The following SPATA6 variants were observed in gnomAD, a reference collection of about 807,000 sequenced individuals.
SPATA6 encodes spermatogenesis associated 6, also known as spermatogenesis-associated protein 6.
A neutral mutation model predicts 65.3 loss-of-function variants in SPATA6; 56 were observed. The ratio of observed to expected loss-of-function variants is 0.86; its 90% confidence interval spans 0.69 to 1.07. SPATA6 has a LOEUF of 1.07. SPATA6 is among the 50% of genes least tolerant of loss of function. The pLI, the probability that SPATA6 is intolerant of heterozygous loss-of-function variation, is 0.00. For synonymous variants in SPATA6, 199 were observed against 213.2 expected (o/e 0.93, Z 0.58); for missense variants, 590 against 594.8 (o/e 0.99, Z 0.08).
intron 11 of SPATA6, among the ~76,000 whole-genome samples, chr1:48,327,707 C>T (rs564498565): frequency 4.6e-5 from 7 of 152,210 alleles, no homozygotes; most frequent in Admixed American, 4.6e-4. Context: ...AATGAACTAA[C>T]TCAGAAACAT....
intron 3 of SPATA6, among the ~76,000 whole-genome samples, chr1:48,418,028 G>A (rs745975329): frequency 4.6e-5 from 7 of 151,980 alleles, no homozygotes; most frequent in Non-Finnish European, 7.4e-5. Context: ...TTACTAAAAT[G>A]GATGTTCTTT....
intron 11 of SPATA6, among the ~76,000 whole-genome samples, chr1:48,340,863 A>G (rs1350350221): frequency 6.6e-6 from 1 of 152,194 alleles, no homozygotes; most frequent in Admixed American, 6.5e-5. Context: ...TGGTGTGACT[A>G]TAAAATTGTC....
chr1:48,326,126 T>C (rs1645753021), intron 11 of SPATA6: 1 of 154,830 alleles, frequency 6.5e-6, no homozygotes, highest in Admixed American at 6.5e-5. Flanking sequence ...GCCACCATCT[T>C]GCATCTTCCC....
intron 12 of SPATA6, among the ~76,000 whole-genome samples, chr1:48,302,526 G>C (rs943376172): frequency 6.6e-6 from 1 of 152,178 alleles, no homozygotes; most frequent in Non-Finnish European, 1.5e-5. Context: ...TAGCTTAGTG[G>C]CCAGCAAATG....
chr1:48,376,153 T>C (rs1418672321), intron 9 of SPATA6, among the ~76,000 whole-genome samples: 1 of 152,182 alleles, frequency 6.6e-6, no homozygotes, highest in Non-Finnish European at 1.5e-5. Context: ...CCTCTATCCT[T>C]CCTCTTGCCT....
At chr1:48,338,722 C>T (rs1375544644) in intron 11 of SPATA6, among the ~76,000 whole-genome samples, 2 of 151,956 alleles carry the variant, frequency 1.3e-5, no homozygotes, top group Non-Finnish European at 2.9e-5. Context: ...AGGTTTTTGT[C>T]AAGATATTTT....
chr1:48,292,915 G>T (rs1644777896), downstream of SPATA6, among the ~76,000 whole-genome samples: 1 of 152,142 alleles, frequency 6.6e-6, no homozygotes, highest in Non-Finnish European at 1.5e-5. Context: ...CGCTGGCTGG[G>T]GCAGCTCCAC....
chr1:48,271,809 T>A, the SPATA6 span, among the ~76,000 whole-genome samples: 1 of 152,088 alleles, frequency 6.6e-6, no homozygotes, highest in Non-Finnish European at 1.5e-5. Context: ...TGTGATGCCA[T>A]GGATATAAAA....
At chr1:48,448,874 G>A (rs1656307796) in intron 3 of SPATA6, among the ~76,000 whole-genome samples, 1 of 152,168 alleles carries the variant, frequency 6.6e-6, no homozygotes, top group South Asian at 2.1e-4. Flanking sequence ...TCTGGGGACT[G>A]GGAGGTGGGC....
intron 5 of SPATA6, among the ~76,000 whole-genome samples, chr1:48,405,691 G>A (rs1651637208): frequency 6.6e-6 from 1 of 152,134 alleles, no homozygotes; most frequent in Non-Finnish European, 1.5e-5. Context: ...CAATGATGTA[G>A]TCTCAGAATC....
chr1:48,263,351 GATGGATCAAA>G, the SPATA6 span, among the ~76,000 whole-genome samples: 1 of 152,058 alleles, frequency 6.6e-6, no homozygotes, highest in South Asian at 2.1e-4. Flanking sequence ...AGATCTTTAA[GATGGATCAAA>G]AGTATATTCA....
chr1:48,398,371 G>GT (rs897629620), intron 7 of SPATA6, among the ~76,000 whole-genome samples: 51 of 151,672 alleles, frequency 3.4e-4, no homozygotes, highest in African/African-American at 1.2e-3. Context: ...TTTTAAAAAG[G>GT]TATCATAAAG....
intron 7 of SPATA6, 119 bp downstream of exon 7, chr1:48,399,232 A>G: frequency 8.5e-7 from 1 of 1,170,916 alleles, no homozygotes; most frequent in Admixed American, 2.8e-5. Flanking sequence ...CTAGGGTAGC[A>G]GTCAGAAGAG....
chr1:48,416,180 T>G (rs61774379), intron 3 of SPATA6, among the ~76,000 whole-genome samples: 158 of 151,960 alleles, frequency 1.0e-3, no homozygotes, highest in Admixed American at 1.8e-3. Context: ...CCAGCCTGGG[T>G]GAAGCAGCGA....
intron 5 of SPATA6, among the ~76,000 whole-genome samples, chr1:48,408,032 A>C (rs941341094): frequency 6.6e-6 from 1 of 152,222 alleles, no homozygotes; most frequent in Non-Finnish European, 1.5e-5. Flanking sequence ...ATAGTACAGA[A>C]GCATGCTAAT....
chr1:48,284,868 C>T, the SPATA6 span, among the ~76,000 whole-genome samples: 1 of 151,528 alleles, frequency 6.6e-6, no homozygotes, highest in Admixed American at 6.6e-5. Flanking sequence ...TGTCTGTCGA[C>T]CCCTGCTGGC....
chr1:48,284,065 C>T, the SPATA6 span, among the ~76,000 whole-genome samples: 2 of 152,006 alleles, frequency 1.3e-5, no homozygotes, highest in African/African-American at 4.8e-5. Flanking sequence ...TTCAGGTACA[C>T]CAATCAAATG....
At chr1:48,436,199 G>T in intron 3 of SPATA6, 1 of 1,612,270 alleles carries the variant, frequency 6.2e-7, no homozygotes, top group Non-Finnish European at 8.5e-7. Flanking sequence ...CATCTTGCAT[G>T]GCATACTCCC....
intron 9 of SPATA6, among the ~76,000 whole-genome samples, chr1:48,372,790 C>T (rs1647436479): frequency 6.6e-6 from 1 of 152,242 alleles, no homozygotes; most frequent in Non-Finnish European, 1.5e-5. Flanking sequence ...CACTCACAGG[C>T]TCAACACCAC....
Sources: gnomAD v4.1 joint callset for allele counts (sites outside exome capture counted in the v4.1 genomes callset) on GRCh38, gnomAD v4.1.1 for gene constraint, MANE v1.5 for transcripts, NCBI Gene and HGNC (gene_info 2026-07-23, HGNC 2026-07-21) for gene names.